The following PABPC1 variants were observed in gnomAD, a reference collection of about 807,000 sequenced individuals.
PABPC1 encodes the protein polyadenylate-binding protein 1.
PABPC1 carries 4 observed loss-of-function variants against 74.0 expected under a neutral mutation model. The ratio of observed to expected loss-of-function variants is 0.05; its 90% CI spans 0.03 to 0.12. The LOEUF is 0.12. PABPC1 is among the 10% of genes least tolerant of loss of function. The pLI is 1.00. For synonymous variants in PABPC1, 227 were observed against 264.1 expected, an observed-to-expected ratio of 0.86 and a Z score of 1.36; for missense variants, 271 against 821.1, an observed-to-expected ratio of 0.33 and a Z score of 8.19.
At chr8:100,712,923 G>C in intron 5 of PABPC1, 134 bp from the exon 6 acceptor site, 1 of 1,153,730 alleles carries the variant, frequency 8.7e-7, no homozygotes, top group South Asian at 1.7e-5. Context: ...CAAGGTTTTG[G>C]GACAATATAG....
At position 100,715,523 on chromosome 8, in the gene PABPC1, G is replaced by A. The variant is rs773992266; in HGVS notation, c.582C>T (p.Tyr194=). The change falls in exon 4 of 15, where the codon TAC becomes TAT. Residue 194 remains tyrosine, a synonymous_variant. Transcript: ENST00000318607. ...CCATGTCTTCTCCAAAATTCTTGATGTAAACATTGGTGAATTCTTTTGCCC... is the reference window on the plus strand; with the variant it reads ...CCATGTCTTCTCCAAAATTCTTGATATAAACATTGGTGAATTCTTTTGCCC... ...GARAKEFTNV[Y]IKNFGEDMDD... is the part of the protein sequence containing the mutation. 9.3e-6 allele frequency: 15 copies of A among 1,613,188 alleles called. No individual in the cohort carries two copies. The Admixed American group carries it at 2.2e-4, about 23-fold the overall frequency.
At chr8:100,704,518 C>G (rs1587142747) in intron 13 of PABPC1, 128 bp from the exon 14 acceptor site, 1 of 796,962 alleles carries the variant, frequency 1.3e-6, no homozygotes, top group East Asian at 2.5e-5. Flanking sequence ...AATTGTTACA[C>G]TAAACAACTA....
chr8:100,709,744 A>G lies in PABPC1; in HGVS notation c.973-13T>C. On this transcript the variant is annotated splice_polypyrimidine_tract_variant and intron_variant, in intron 7 of 14. Transcript: ENST00000318607. ...CCTCCATCATAACCTATTAAAAAAA[A>G]GAAAAAAAAAGTTAACGTAATGGTA... 6.6e-7 allele frequency: 1 copy of G among 1,513,130 alleles called. No individual in the cohort carries two copies. The highest frequency in any genetic ancestry group is 8.9e-7 in the Non-Finnish European group (1 of 1,128,582). 93.7% of individuals were successfully genotyped at this position (1,513,130 alleles called of 1,614,324 possible).
rs192268497 is a variant in PABPC1 at position 100,712,262 on chromosome 8, C to G, written c.972+100G>C. 8.3e-5 allele frequency: 55 copies of G among 659,496 alleles called. No homozygotes were observed. The African/African-American group carries it at 8.4e-4, about 10-fold the overall frequency. The allele number at this position is 659,496 out of a possible 1,614,324, so 40.9% of individuals were successfully genotyped here. A position where few individuals can be genotyped will look rare whatever the true frequency, so the allele number is the denominator to read the frequency against. On this transcript the variant is annotated intron_variant, in intron 7 of 14. Coordinates refer to ENST00000318607, the MANE Select transcript of PABPC1 (RefSeq NM_002568.4). ...TAAGTTTTAGAAGTAACGAAGCAAA[C>G]ACCTCTCTAGTGGCTATAATAATAC...
chr8:100,719,394 T>C (rs2129757828), intron 1 of PABPC1, among the ~76,000 whole-genome samples: 1 of 152,100 alleles, frequency 6.6e-6, no homozygotes, highest in Non-Finnish European at 1.5e-5. Flanking sequence ...CCTAGTTTTT[T>C]TTTTTTTTTA....
intron 5 of PABPC1, 74 bp from the exon 6 acceptor site, chr8:100,712,863 G>T: frequency 6.9e-7 from 1 of 1,456,222 alleles, no homozygotes; most frequent in South Asian, 1.4e-5. Flanking sequence ...TAACAGTTAA[G>T]ACAAATTTGT....
intron 4 of PABPC1, among the ~76,000 whole-genome samples, chr8:100,714,103 G>T (rs1440439766): frequency 6.6e-6 from 1 of 152,322 alleles, no homozygotes; most frequent in South Asian, 2.1e-4. Flanking sequence ...CAGAAATTTA[G>T]AAGATGTATG....
intron 4 of PABPC1, among the ~76,000 whole-genome samples, chr8:100,714,748 ATTCT>A (rs1199444834): frequency 6.6e-6 from 1 of 152,128 alleles, no homozygotes; most frequent in African/African-American, 2.4e-5. Flanking sequence ...AGATTTCCTA[ATTCT>A]TTATTATTTG....
At chr8:100,718,927 T>C (rs1480550668) in intron 1 of PABPC1, among the ~76,000 whole-genome samples, 3 of 149,618 alleles carry the variant, frequency 2.0e-5, no homozygotes, top group Non-Finnish European at 4.5e-5. Context: ...GTTAGACATA[T>C]TTGGTTTCAT....
In PABPC1 at chr8:100,718,371, G is replaced by A. The variant is rs1439533080; in HGVS notation, c.194-91C>T. The A allele has an allele frequency of 6.0e-6, 6 of 1,007,698 alleles. No individual in the cohort carries two copies. The East Asian group carries it at 1.6e-4, about 26-fold the overall frequency. The allele number at this position is 1,007,698 out of a possible 1,614,324, so 62.4% of individuals were successfully genotyped here. On this transcript the variant is annotated intron_variant, in intron 1 of 14. Transcript: ENST00000318607. ...TAAACTATGGTGACTGGAGTGGGAG[G>A]ACACATGGTCTCACAGTTGAACGCT...
At chr8:100,709,088 T>A (rs1381005057) in intron 9 of PABPC1, 45 bp downstream of exon 9, 7 of 1,430,326 alleles carry the variant, frequency 4.9e-6, no homozygotes, top group Middle Eastern at 2.4e-4. Flanking sequence ...CAATGTGTTA[T>A]TTTTAACTCA....
chr8:100,719,122 T>C (rs183949140), intron 1 of PABPC1, among the ~76,000 whole-genome samples: 37 of 152,346 alleles, frequency 2.4e-4, no homozygotes, highest in African/African-American at 8.7e-4. Flanking sequence ...AAGGATTGAA[T>C]TATGTATACC....
chr8:100,721,650 G>C lies in PABPC1; in HGVS notation c.-67C>G. 4 of 1,338,094 alleles carry C rather than the reference G, an allele frequency of 3.0e-6. No individual in the cohort carries two copies. The highest frequency in any genetic ancestry group is 3.9e-6 in the Non-Finnish European group (4 of 1,016,456). The allele number at this position is 1,338,094 out of a possible 1,614,324, so 82.9% of individuals were successfully genotyped here. On this transcript the variant is annotated 5_prime_UTR_variant, in exon 1 of 15. Transcript: ENST00000318607. The surrounding 1 kb of genome is among the most constrained non-coding windows in gnomAD (Gnocchi z 7.4). The stretch of plus-strand genomic sequence containing the variant: ...CGTGAGAGGAGGAGAGCGAGTGCCG[G>C]GGCTGGGGGCCGGAGCCGGGGGGAG...
intron 7 of PABPC1, among the ~76,000 whole-genome samples, chr8:100,710,747 G>A (rs550195581): frequency 1.2e-3 from 188 of 152,220 alleles, no homozygotes; most frequent in African/African-American, 4.4e-3. Flanking sequence ...AGCACTTTGG[G>A]AGGCCAAGGC....
intron 11 of PABPC1, 70 bp from the exon 12 acceptor site, chr8:100,705,743 G>A (rs965572072): frequency 1.4e-5 from 14 of 970,086 alleles, no homozygotes; most frequent in Non-Finnish European, 2.3e-5. Context: ...AGTCATCAAT[G>A]GACATCTGCT....
chr8:100,719,295 C>T (rs758749390), intron 1 of PABPC1, among the ~76,000 whole-genome samples: 1 of 151,844 alleles, frequency 6.6e-6, no homozygotes, highest in Non-Finnish European at 1.5e-5. Flanking sequence ...CCGGCCACCT[C>T]TTTTTTTATA....
chr8:100,713,416 A>T (rs1810580924), intron 4 of PABPC1, among the ~76,000 whole-genome samples: 1 of 152,182 alleles, frequency 6.6e-6, no homozygotes, highest in Non-Finnish European at 1.5e-5. Context: ...AAGGAGGTAC[A>T]CTTTAAACGG....
chr8:100,707,485 C>T (rs1235283826), intron 9 of PABPC1, among the ~76,000 whole-genome samples: 1 of 152,286 alleles, frequency 6.6e-6, no homozygotes, highest in East Asian at 1.9e-4. Context: ...GGCCCTTCCC[C>T]GCCTGGCAGC....
At chr8:100,720,215 C>T (rs1226800622) in intron 1 of PABPC1, among the ~76,000 whole-genome samples, 3 of 152,144 alleles carry the variant, frequency 2.0e-5, no homozygotes, top group African/African-American at 4.8e-5. Flanking sequence ...CTTCTCAAAG[C>T]CAATTGATCT....
Sources: allele counts gnomAD v4.1 joint callset (sites outside exome capture counted in the v4.1 genomes callset), GRCh38; gene constraint gnomAD v4.1.1; non-coding constraint Gnocchi (gnomAD v3.1); transcripts MANE v1.5; gene names NCBI Gene and HGNC (gene_info 2026-07-23, HGNC 2026-07-21).